The following SLC9A9 variants were observed in gnomAD, a reference collection of about 807,000 sequenced individuals.
SLC9A9 encodes the protein sodium/hydrogen exchanger 9.
In SLC9A9, 62 loss-of-function variants were observed where a neutral mutation model predicts 77.8. That is an observed-to-expected ratio of 0.80 (90% confidence interval 0.65 to 0.98). The LOEUF is 0.98. Among genes scored for constraint, SLC9A9 ranks in the 50% least tolerant of loss-of-function variants. The pLI is 0.00. For synonymous variants in SLC9A9, 320 were observed against 283.5 expected (o/e 1.13, Z -1.29); for missense variants, 775 against 774.9 (o/e 1.00, Z 0.00).
intron 9 of SLC9A9, among the ~76,000 whole-genome samples, chr3:143,507,625 G>A (rs78103930): frequency 6.6e-6 from 1 of 152,188 alleles, no homozygotes; most frequent in African/African-American, 2.4e-5. Context: ...TTCACTCTAG[G>A]TGTTAAACAT....
chr3:143,779,800 T>G (rs13059339), intron 4 of SLC9A9, among the ~76,000 whole-genome samples: 85,660 of 152,182 alleles, frequency 0.56, 26,932 homozygotes, highest in African/African-American at 0.84. Flanking sequence ...TATGAAACTA[T>G]TATATTTTGC....
At chr3:143,313,972 T>G (rs2031115550) in intron 14 of SLC9A9, among the ~76,000 whole-genome samples, 1 of 152,128 alleles carries the variant, frequency 6.6e-6, no homozygotes, top group Non-Finnish European at 1.5e-5. Context: ...TGCCTCTCTG[T>G]GGGACTGCGG....
Position 143,832,167 on chromosome 3 carries a change from C to A in SLC9A9, c.230G>T (p.Ser77Ile). 6.2e-7 allele frequency: 1 copy of A among 1,612,962 alleles called. No homozygotes were observed. Among genetic ancestry groups the A allele is most frequent in the Non-Finnish European group, 8.5e-7 (1 of 1,179,528 alleles). The change falls in exon 2 of 16, where the codon AGT becomes ATT. Residue 77 changes from serine to isoleucine, a missense_variant. Physicochemically the swap from Ser to Ile is moderately radical, Grantham distance 142 (BLOSUM62 -2). Transcript: ENST00000316549. Reference sequence around the variant, plus strand: ...TTTTACACAGTCATAGACAGTTCCACTTTCAATATCAGTTGGTGCTGTAGC... The same window carrying A: ...TTTTACACAGTCATAGACAGTTCCAATTTCAATATCAGTTGGTGCTGTAGC... The part of the protein sequence containing the change: ...RYATAPTDIE[S>I]GTVYDCVKLT...
intron 1 of SLC9A9, among the ~76,000 whole-genome samples, chr3:143,842,415 A>T (rs1321049703): frequency 6.6e-6 from 1 of 152,086 alleles, no homozygotes; most frequent in Non-Finnish European, 1.5e-5. Context: ...ACCCCCAAAA[A>T]CATAAAAAAA....
intron 4 of SLC9A9, among the ~76,000 whole-genome samples, chr3:143,769,375 T>A (rs986483131): frequency 1.3e-5 from 2 of 152,162 alleles, no homozygotes; most frequent in East Asian, 3.8e-4. Flanking sequence ...ATTCATGTAA[T>A]CTCTACCCAT....
chr3:143,794,443 G>A (rs1008645578), intron 4 of SLC9A9, among the ~76,000 whole-genome samples: 4 of 151,758 alleles, frequency 2.6e-5, no homozygotes, highest in Non-Finnish European at 4.4e-5. Context: ...AGTATATAAC[G>A]TGTGACTTAG....
intron 14 of SLC9A9, among the ~76,000 whole-genome samples, chr3:143,336,156 CA>C (rs2108459278): frequency 6.6e-6 from 1 of 152,240 alleles, no homozygotes; most frequent in East Asian, 1.9e-4. Context: ...AAAAGATGCT[CA>C]ATATCTCTAA....
chr3:143,637,563 C>G (rs1004505032), intron 6 of SLC9A9, among the ~76,000 whole-genome samples: 1 of 152,110 alleles, frequency 6.6e-6, no homozygotes, highest in African/African-American at 2.4e-5. Flanking sequence ...TTATATACAC[C>G]TTAGTAAGTA....
intron 2 of SLC9A9, among the ~76,000 whole-genome samples, chr3:143,815,884 C>T (rs62268880): frequency 1.3e-5 from 2 of 151,868 alleles, no homozygotes; most frequent in Non-Finnish European, 2.9e-5. Context: ...AACAAACAAA[C>T]AAACAAAAAC....
chr3:143,361,095 C>T (rs1422479147), intron 14 of SLC9A9, among the ~76,000 whole-genome samples: 1 of 152,176 alleles, frequency 6.6e-6, no homozygotes, highest in South Asian at 2.1e-4. Context: ...ACTTGCCAGC[C>T]CCCACAACTG....
intron 2 of SLC9A9, among the ~76,000 whole-genome samples, chr3:143,821,816 C>T (rs1222216718): frequency 6.6e-6 from 1 of 152,228 alleles, no homozygotes; most frequent in Non-Finnish European, 1.5e-5. Context: ...CACTCCACTG[C>T]AGTCATTTTA....
At chr3:143,357,609 C>T (rs750056931) in intron 14 of SLC9A9, among the ~76,000 whole-genome samples, 5 of 152,166 alleles carry the variant, frequency 3.3e-5, no homozygotes, top group Non-Finnish European at 7.3e-5. Context: ...TACCAGAACT[C>T]ACCAGATGGG....
intron 14 of SLC9A9, among the ~76,000 whole-genome samples, chr3:143,323,146 A>T (rs2031474232): frequency 6.6e-6 from 1 of 152,226 alleles, no homozygotes; most frequent in African/African-American, 2.4e-5. Flanking sequence ...AAACTAGAAC[A>T]GCCACTGTGG....
intron 9 of SLC9A9, among the ~76,000 whole-genome samples, chr3:143,511,165 G>A (rs921645689): frequency 3.9e-5 from 6 of 152,196 alleles, no homozygotes; most frequent in Admixed American, 3.9e-4. Context: ...GGCTGGTGCA[G>A]TGGGGGTGGG....
At chr3:143,459,117 G>GTT (rs34589302) in intron 12 of SLC9A9, among the ~76,000 whole-genome samples, 58 of 149,516 alleles carry the variant, frequency 3.9e-4, no homozygotes, top group South Asian at 1.1e-3. Flanking sequence ...TTTCTCTACA[G>GTT]TTTTTTTTTC....
At position 143,837,805 on chromosome 3, in the gene SLC9A9, A is replaced by C. The variant is rs568475833; in HGVS notation, c.176-5584T>G. Among the ~76,000 whole-genome samples, 4 of 152,324 alleles carry C rather than the reference A, an allele frequency of 2.6e-5. No individual in the cohort carries two copies. The East Asian group carries it at 7.7e-4, about 29-fold the overall frequency. ...TAGGGAGCTTCTTAGAAAGGTTTTC[A>C]CATCCTACAGGAGAGACACAGAAGA... is the stretch of plus-strand genomic sequence containing the variant. On this transcript the variant is annotated intron_variant, in intron 1 of 15. Coordinates refer to ENST00000316549, the MANE Select transcript of SLC9A9 (RefSeq NM_173653.4).
intron 5 of SLC9A9, among the ~76,000 whole-genome samples, chr3:143,664,954 G>A: frequency 6.6e-6 from 1 of 152,160 alleles, no homozygotes; most frequent in East Asian, 1.9e-4. Context: ...AGGATATCCA[G>A]GACTTGAACT....
At chr3:143,781,030 C>A (rs2007855763) in intron 4 of SLC9A9, among the ~76,000 whole-genome samples, 1 of 152,136 alleles carries the variant, frequency 6.6e-6, no homozygotes. Flanking sequence ...AATATGTCCC[C>A]ATATACTCTC....
intron 7 of SLC9A9, 106 bp from the exon 8 acceptor site, chr3:143,574,299 A>G (rs1336201138): frequency 3.3e-6 from 3 of 919,204 alleles, no homozygotes; most frequent in African/African-American, 3.3e-5. Flanking sequence ...GAGCAAAGTA[A>G]AAGAACTGAT....
Sources: allele counts gnomAD v4.1 joint callset (sites outside exome capture counted in the v4.1 genomes callset), GRCh38; gene constraint gnomAD v4.1.1; transcripts MANE v1.5; gene names NCBI Gene and HGNC (gene_info 2026-07-23, HGNC 2026-07-21).